The following KCNIP4 variants were observed in gnomAD, a reference collection of about 807,000 sequenced individuals.
KCNIP4 encodes the protein Kv channel-interacting protein 4.
In KCNIP4, 12 loss-of-function variants were observed where a neutral mutation model predicts 34.0. The ratio of observed to expected loss-of-function variants is 0.35; its 90% CI spans 0.23 to 0.57. KCNIP4 has a LOEUF of 0.57. Among genes scored for constraint, KCNIP4 ranks in the 20% least tolerant of loss-of-function variants. The pLI is 0.83. For synonymous variants in KCNIP4, 124 were observed against 102.2 expected, an observed-to-expected ratio of 1.21 and a Z score of -1.29; for missense variants, 238 against 311.7, an observed-to-expected ratio of 0.76 and a Z score of 1.78.
chr4:21,104,986 T>C (rs1375710248), intron 1 of KCNIP4, among the ~76,000 whole-genome samples: 1 of 151,858 alleles, frequency 6.6e-6, no homozygotes, highest in East Asian at 1.9e-4. Context: ...CATGCTGTTT[T>C]AGTTGCTGTA....
rs149308663 is a variant in KCNIP4 at position 21,277,472 on chromosome 4, A to G, written c.62-394763T>C. ...AAAAGGGTCACATAAATGGAACAAGAATAAGTAGCCATTGTATAATAAAAG... is the reference window on the plus strand; with the variant it reads ...AAAAGGGTCACATAAATGGAACAAGGATAAGTAGCCATTGTATAATAAAAG... On this transcript the variant is annotated intron_variant, in intron 1 of 8. Transcript: ENST00000382152. 3.6e-3 allele frequency among the ~76,000 whole-genome samples: 543 copies of G among 152,354 alleles called. 7 individuals carry two copies. Among genetic ancestry groups the G allele is most frequent in the Admixed American group, 0.011 (174 of 15,300 alleles).
intron 1 of KCNIP4, among the ~76,000 whole-genome samples, chr4:21,275,114 G>A (rs1219731678): frequency 6.6e-6 from 1 of 152,138 alleles, no homozygotes. Flanking sequence ...GTTCTGATAT[G>A]CTGATTCATG....
chr4:21,232,308 T>A (rs1460086862), intron 1 of KCNIP4, among the ~76,000 whole-genome samples: 1 of 152,156 alleles, frequency 6.6e-6, no homozygotes, highest in Non-Finnish European at 1.5e-5. Context: ...TATATCATGC[T>A]TTAATTAAGA....
chr4:21,001,115 T>A (rs934288215), intron 1 of KCNIP4, among the ~76,000 whole-genome samples: 15 of 152,230 alleles, frequency 9.9e-5, no homozygotes, highest in Admixed American at 7.9e-4. Context: ...AGGAGGTTGA[T>A]AATGAGTTAA....
intron 3 of KCNIP4, among the ~76,000 whole-genome samples, chr4:20,812,106 C>T (rs1179240884): frequency 2.0e-5 from 3 of 152,070 alleles, no homozygotes; most frequent in Non-Finnish European, 2.9e-5. Flanking sequence ...CTTTTGGGGA[C>T]ATGTTTGCGT....
At chr4:20,746,248 C>G (rs1360640930) in intron 5 of KCNIP4, among the ~76,000 whole-genome samples, 1 of 152,104 alleles carries the variant, frequency 6.6e-6, no homozygotes, top group African/African-American at 2.4e-5. Context: ...TGGAAACCGT[C>G]ATTCTCAGCA....
intron 1 of KCNIP4, among the ~76,000 whole-genome samples, chr4:21,032,798 C>T (rs1056577151): frequency 1.7e-5 from 2 of 119,688 alleles, no homozygotes; most frequent in Non-Finnish European, 1.8e-5. Context: ...GCAACGAGCT[C>T]GTTGTCATTA....
chr4:21,139,516 T>G (rs1384200361), intron 1 of KCNIP4, among the ~76,000 whole-genome samples: 1 of 152,164 alleles, frequency 6.6e-6, no homozygotes, highest in Non-Finnish European at 1.5e-5. Context: ...GAACACCCCC[T>G]GTGGCCAGCT....
intron 1 of KCNIP4, among the ~76,000 whole-genome samples, chr4:21,147,238 C>T (rs6832659): frequency 0.18 from 27,047 of 151,874 alleles, 2,521 homozygotes; most frequent in Middle Eastern, 0.23. Flanking sequence ...GACCTATCTA[C>T]CCGATGCCCC....
At chr4:21,623,998 G>A (rs986898227) in intron 1 of KCNIP4, among the ~76,000 whole-genome samples, 2 of 152,080 alleles carry the variant, frequency 1.3e-5, no homozygotes, top group Non-Finnish European at 2.9e-5. Context: ...CTGTATACAT[G>A]CACAAGAATC....
chr4:21,391,809 G>T (rs993895108), intron 1 of KCNIP4, among the ~76,000 whole-genome samples: 2 of 152,074 alleles, frequency 1.3e-5, no homozygotes, highest in Admixed American at 1.3e-4. Context: ...TCCCTCTTCA[G>T]CACACATACT....
At chr4:21,106,688 T>A (rs1394307273) in intron 1 of KCNIP4, among the ~76,000 whole-genome samples, 1 of 151,622 alleles carries the variant, frequency 6.6e-6, no homozygotes, top group Admixed American at 6.6e-5. Context: ...AATTGTAACG[T>A]TAGGGTGTCA....
At chr4:20,968,131 C>G (rs549680758) in intron 1 of KCNIP4, among the ~76,000 whole-genome samples, 5 of 152,294 alleles carry the variant, frequency 3.3e-5, no homozygotes, top group South Asian at 2.1e-4. Flanking sequence ...TGAACAAACA[C>G]TTCTCAAAAG....
At chr4:21,826,277 A>T (rs745353503) in intron 1 of KCNIP4, among the ~76,000 whole-genome samples, 1 of 152,188 alleles carries the variant, frequency 6.6e-6, no homozygotes, top group Non-Finnish European at 1.5e-5. Context: ...GTAATCCACC[A>T]TATGAATACA....
intron 1 of KCNIP4, among the ~76,000 whole-genome samples, chr4:21,351,529 T>C (rs770093355): frequency 2.6e-5 from 4 of 152,160 alleles, no homozygotes; most frequent in Non-Finnish European, 5.9e-5. Context: ...AATTACCCAG[T>C]CTTGAATATG....
At chr4:21,134,700 T>C (rs548165605) in intron 1 of KCNIP4, among the ~76,000 whole-genome samples, 1 of 152,340 alleles carries the variant, frequency 6.6e-6, no homozygotes, top group Non-Finnish European at 1.5e-5. Context: ...TTCCATTTCC[T>C]CTACTCTTGT....
chr4:21,474,467 T>C (rs1730745412), intron 1 of KCNIP4, among the ~76,000 whole-genome samples: 1 of 152,196 alleles, frequency 6.6e-6, no homozygotes, highest in Non-Finnish European at 1.5e-5. Flanking sequence ...TCTTACTTTA[T>C]CGGACATTCT....
chr4:21,321,842 G>A (rs1005770243), intron 1 of KCNIP4, among the ~76,000 whole-genome samples: 2 of 142,224 alleles, frequency 1.4e-5, no homozygotes, highest in East Asian at 4.6e-4. Flanking sequence ...GGGAAGGAAG[G>A]AAAGGAAGGA....
intron 1 of KCNIP4, among the ~76,000 whole-genome samples, chr4:21,438,798 TA>T (rs1274195722): frequency 6.6e-6 from 1 of 152,254 alleles, no homozygotes; most frequent in African/African-American, 2.4e-5. Flanking sequence ...AACATTGCTT[TA>T]AAAAAACAAT....
Sources: gnomAD v4.1 joint callset for allele counts (sites outside exome capture counted in the v4.1 genomes callset) on GRCh38, gnomAD v4.1.1 for gene constraint, MANE v1.5 for transcripts, NCBI Gene and HGNC (gene_info 2026-07-23, HGNC 2026-07-21) for gene names.